The following NLRC3 variants were observed in gnomAD, a reference collection of about 807,000 sequenced individuals.
NLRC3 encodes NLR family CARD domain-containing protein 3.
In NLRC3, 87 loss-of-function variants were observed where a neutral mutation model predicts 91.6. That is an observed-to-expected ratio of 0.95 (90% CI 0.80 to 1.14). NLRC3 has a LOEUF of 1.14. NLRC3 is among the 50% of genes most tolerant of loss of function. The pLI, the probability that NLRC3 is intolerant of heterozygous loss-of-function variation, is 0.00. For missense variants in NLRC3, 1,577 were observed against 1,418.6 expected (o/e 1.11, Z -1.79); for synonymous variants, 694 against 625.3 (o/e 1.11, Z -1.64).
chr16:3,544,477 C>T, intron 15 of NLRC3, 148 bp from the exon 16 acceptor site: 2 of 632,832 alleles, frequency 3.2e-6, no homozygotes, highest in Non-Finnish European at 5.7e-6. Flanking sequence ...CCTTCCTCCA[C>T]AGGCCCTGCA....
intron 1 of NLRC3, among the ~76,000 whole-genome samples, chr16:3,569,395 T>TATATATATATATATATATA (rs1491362144): frequency 4.2e-5 from 2 of 47,752 alleles, no homozygotes; most frequent in African/African-American, 1.5e-4. Context: ...TATATATATA[T>TATATATATATATATATATA]TATTTTTTTT....
At chr16:3,548,601 G>C in intron 14 of NLRC3, 69 bp downstream of exon 14, 1 of 1,191,934 alleles carries the variant, frequency 8.4e-7, no homozygotes, top group Non-Finnish European at 1.2e-6. Context: ...CCTGTGCATC[G>C]TTGGTTTGGG....
chr16:3,558,673 T>C (rs931815854), intron 6 of NLRC3, among the ~76,000 whole-genome samples: 4 of 152,200 alleles, frequency 2.6e-5, no homozygotes, highest in African/African-American at 9.6e-5. Flanking sequence ...TGTTACTTCA[T>C]GTATCCAGCT....
intron 1 of NLRC3, among the ~76,000 whole-genome samples, chr16:3,571,544 TAA>T (rs77866901): frequency 5.9e-4 from 70 of 118,084 alleles, no homozygotes; most frequent in Admixed American, 6.9e-4. Context: ...ACCCTGGCTT[TAA>T]AAAAAAAAAA....
At chr16:3,549,047 C>G in intron 13 of NLRC3, 95 bp downstream of exon 13, 1 of 975,546 alleles carries the variant, frequency 1.0e-6, no homozygotes, top group South Asian at 1.4e-5. Flanking sequence ...CTTCTCCAAC[C>G]CTGTGACGTG....
chr16:3,556,134 G>A (rs1432440384), intron 8 of NLRC3, among the ~76,000 whole-genome samples: 1 of 149,430 alleles, frequency 6.7e-6, no homozygotes, highest in Non-Finnish European at 1.5e-5. Context: ...CTCGAGACCA[G>A]CCTGGTCAAA....
chr16:3,546,177 C>T (rs548830588), intron 15 of NLRC3, among the ~76,000 whole-genome samples: 6 of 152,180 alleles, frequency 3.9e-5, no homozygotes, highest in East Asian at 1.9e-4. Context: ...GTGGGAGGAT[C>T]GCTTGAGCCC....
chr16:3,573,469 G>T (rs2040172469), intron 1 of NLRC3, among the ~76,000 whole-genome samples: 1 of 152,110 alleles, frequency 6.6e-6, no homozygotes, highest in Admixed American at 6.6e-5. Flanking sequence ...ACATTCAAAG[G>T]TATGTCAGCC....
intron 8 of NLRC3, among the ~76,000 whole-genome samples, chr16:3,555,496 T>C (rs963193346): frequency 3.9e-5 from 6 of 152,124 alleles, no homozygotes; most frequent in Admixed American, 3.9e-4. Context: ...GATGAAAATA[T>C]TCTGGAACTG....
Position 3,563,183 on chromosome 16 carries a change from T to C in NLRC3, c.1754A>G (p.Glu585Gly). 6.3e-7 allele frequency: 1 copy of C among 1,593,630 alleles called. No individual in the cohort carries two copies. The highest frequency in any genetic ancestry group is 8.5e-7 in the Non-Finnish European group (1 of 1,172,490). ...QHTELARSVE[E>G]AMESGALARL... ...GGCCAGGGCCCCGCTCTCCATGGCC[T>C]CCTCCACGCTGCGGGCCAGCTCGGT... The change falls in exon 5 of 20, where the codon GAG (glutamate) becomes GGG (glycine). Residue 585 changes from glutamate (E) to glycine (G), a missense_variant. Physicochemically the swap from Glu to Gly is moderately conservative, Grantham distance 98. Transcript: ENST00000359128.
Position 3,564,211 on chromosome 16 carries a change from C to T in NLRC3, c.726G>A (p.Glu242=). The T allele has an allele frequency of 1.2e-6, 2 of 1,613,448 alleles. No individual in the cohort carries two copies. The highest frequency in any genetic ancestry group is 1.7e-6 in the Non-Finnish European group (2 of 1,179,900). Residue 242 remains glutamate (E), a synonymous_variant, in exon 5 of 20, where the codon GAG becomes GAA. Coordinates refer to ENST00000359128, the MANE Select transcript of NLRC3 (RefSeq NM_178844.4). The surrounding 1 kb of genome is among the most constrained non-coding windows in gnomAD (Gnocchi z 5.9). The part of the protein sequence containing the change: ...NTVACTDPKK[E]IPVDHLITNI... ...TGGTGATCAGGTGGTCCACCGGGAT[C>T]TCCTTCTTTGGGTCCGTGCAGGCCA...
At chr16:3,572,761 C>T (rs749526771) in intron 1 of NLRC3, among the ~76,000 whole-genome samples, 2 of 152,058 alleles carry the variant, frequency 1.3e-5, no homozygotes, top group Non-Finnish European at 2.9e-5. Flanking sequence ...ACCTGTAATC[C>T]TAGCACTTTG....
Position 3,561,086 on chromosome 16 carries a change from T to C in NLRC3, c.2015+616A>G, listed in dbSNP as rs183716467. ...AATGCAATTGGCTGGGTGCAGTAGC[T>C]CACGCCAGTAATCCCAGCACTTTGG... On this transcript the variant is annotated intron_variant, in intron 6 of 19. Coordinates refer to ENST00000359128, the MANE Select transcript of NLRC3 (RefSeq NM_178844.4). Among the ~76,000 whole-genome samples the C allele has an allele frequency of 6.9e-3, 1,051 of 152,090 alleles. 9 individuals carry two copies. The highest frequency in any genetic ancestry group is 0.023 in the African/African-American group (962 of 41,520).
intron 6 of NLRC3, among the ~76,000 whole-genome samples, chr16:3,560,937 G>A (rs2039580974): frequency 6.6e-6 from 1 of 151,710 alleles, no homozygotes; most frequent in Non-Finnish European, 1.5e-5. Context: ...GGGATTACAG[G>A]GGTGAGCCAC....
chr16:3,570,621 T>A (rs1446049654), intron 1 of NLRC3, among the ~76,000 whole-genome samples: 3 of 152,226 alleles, frequency 2.0e-5, no homozygotes, highest in African/African-American at 7.2e-5. Flanking sequence ...TGGGGAAGGC[T>A]GCTGTGAGAG....
intron 3 of NLRC3, 65 bp downstream of exon 3, chr16:3,565,254 C>T (rs145641447): frequency 3.2e-5 from 22 of 694,032 alleles, no homozygotes; most frequent in Admixed American, 1.2e-4. Context: ...AATGATCACA[C>T]GAATGCAGGG....
intron 6 of NLRC3, among the ~76,000 whole-genome samples, chr16:3,558,946 A>G (rs1311728580): frequency 6.6e-6 from 1 of 151,958 alleles, no homozygotes; most frequent in African/African-American, 2.4e-5. Context: ...TAGTTTTTTA[A>G]TTTTTTGCAG....
Position 3,550,466 on chromosome 16 carries a change from C to A in NLRC3, c.2383G>T (p.Ala795Ser), listed in dbSNP as rs749554551. 6.2e-7 allele frequency: 1 copy of A among 1,613,448 alleles called. No individual in the cohort carries two copies. The highest frequency in any genetic ancestry group is 8.5e-7 in the Non-Finnish European group (1 of 1,179,362). The change falls in exon 11 of 20, where the codon GCC (alanine) becomes TCC (serine). Residue 795 changes from alanine (A) to serine (S), a missense_variant. Coordinates refer to ENST00000359128, the MANE Select transcript of NLRC3 (RefSeq NM_178844.4). ...TTCAGGGCCTCAGCCAGGGCCTTGG[C>A]ACCTCCATCACCAATACTATTACTG... is the stretch of plus-strand genomic sequence containing the variant. ...FSSNSIGDGG[A>S]KALAEALKVN...
chr16:3,543,594 C>A, intron 16 of NLRC3, 86 bp from the exon 17 acceptor site: 1 of 897,386 alleles, frequency 1.1e-6, no homozygotes, highest in Non-Finnish European at 1.8e-6. Flanking sequence ...CCCCTTGACT[C>A]AGGATGGAAA....
Sources: allele counts gnomAD v4.1 joint callset (sites outside exome capture counted in the v4.1 genomes callset), GRCh38; gene constraint gnomAD v4.1.1; non-coding constraint Gnocchi (gnomAD v3.1); transcripts MANE v1.5; gene names NCBI Gene and HGNC (gene_info 2026-07-23, HGNC 2026-07-21).